Variants in MAMDC2 observed in about 807,000 individuals in gnomAD.
The protein encoded by MAMDC2 is MAM domain-containing protein 2.
Under a neutral mutation model 89.8 loss-of-function variants are expected in MAMDC2, and 57 were observed. The ratio of observed to expected loss-of-function variants is 0.63; its 90% confidence interval spans 0.51 to 0.79. The LOEUF (loss-of-function observed/expected upper bound fraction) is 0.79, where lower values mean the gene tolerates loss of function less well. MAMDC2 is among the 30% of genes least tolerant of loss of function. MAMDC2 has a pLI of 0.00. For missense variants in MAMDC2, 800 were observed against 820.6 expected (o/e 0.97, Z 0.31); for synonymous variants, 313 against 293.4 (o/e 1.07, Z -0.68).
intron 7 of MAMDC2, among the ~76,000 whole-genome samples, chr9:70,133,643 A>C (rs1237211641): frequency 6.6e-6 from 1 of 152,190 alleles, no homozygotes; most frequent in Admixed American, 6.5e-5. Context: ...CTTCCAAGCT[A>C]TCTGGCATGG....
In MAMDC2 at chr9:70,068,130, A is replaced by G. The variant is rs191664970; in HGVS notation, c.148+23433A>G. Among the ~76,000 whole-genome samples the G allele has an allele frequency of 7.2e-5, 11 of 152,340 alleles. No individual in the cohort carries two copies. In the East Asian group the frequency reaches 1.7e-3, roughly 24 times the overall value. ...TATAAAGAGAATCCAGAGAAGAGTT[A>G]AGCTTGATGGTTTTGACATCTCAAA... On this transcript the variant is annotated intron_variant, in intron 2 of 13. Transcript: ENST00000377182.
chr9:70,140,355 T>A, intron 8 of MAMDC2, 67 bp downstream of exon 8: 1 of 1,471,296 alleles, frequency 6.8e-7, no homozygotes, highest in Non-Finnish European at 9.1e-7. Flanking sequence ...CCATTCCTAC[T>A]TCACACCTGC....
intron 2 of MAMDC2, among the ~76,000 whole-genome samples, chr9:70,054,921 A>C (rs1203665279): frequency 1.3e-5 from 2 of 152,092 alleles, no homozygotes; most frequent in Non-Finnish European, 2.9e-5. Context: ...TCATTGAAAA[A>C]CAAAAACAAG....
intron 9 of MAMDC2, among the ~76,000 whole-genome samples, chr9:70,152,693 T>C (rs546306614): frequency 2.0e-5 from 3 of 152,328 alleles, no homozygotes; most frequent in South Asian, 2.1e-4. Flanking sequence ...TCTGGTGTTC[T>C]AGTTTAGAAA....
At chr9:70,126,498 G>T (rs2030558005) in intron 6 of MAMDC2, 83 bp downstream of exon 6, 2 of 1,414,912 alleles carry the variant, frequency 1.4e-6, no homozygotes, top group Middle Eastern at 2.5e-4. Flanking sequence ...TGGAGAGGCT[G>T]TGCAGCCTCA....
intron 2 of MAMDC2, among the ~76,000 whole-genome samples, chr9:70,093,535 C>T (rs1335809232): frequency 6.6e-6 from 1 of 151,384 alleles, no homozygotes; most frequent in Non-Finnish European, 1.5e-5. Context: ...AAGCAGTTCT[C>T]CTTCCTCAGC....
chr9:70,166,219 C>T (rs1161095212), intron 9 of MAMDC2, among the ~76,000 whole-genome samples: 5 of 145,964 alleles, frequency 3.4e-5, no homozygotes, highest in African/African-American at 1.3e-4. Flanking sequence ...CTAGCCTGGG[C>T]GACAAGAGCA....
intron 11 of MAMDC2, among the ~76,000 whole-genome samples, chr9:70,185,416 G>A (rs2032732491): frequency 6.6e-6 from 1 of 152,194 alleles, no homozygotes; most frequent in African/African-American, 2.4e-5. Flanking sequence ...CACTGTGCTG[G>A]GAGAATCCTC....
intron 11 of MAMDC2, among the ~76,000 whole-genome samples, chr9:70,187,775 A>T (rs917025843): frequency 1.3e-5 from 2 of 152,178 alleles, no homozygotes; most frequent in African/African-American, 4.8e-5. Flanking sequence ...TTCAAGGTTT[A>T]TAAATTTATC....
intron 10 of MAMDC2, among the ~76,000 whole-genome samples, 189 bp downstream of exon 10, chr9:70,168,984 G>A (rs1322123814): frequency 6.6e-6 from 1 of 152,132 alleles, no homozygotes; most frequent in East Asian, 1.9e-4. Flanking sequence ...ATGTGTCTTT[G>A]TACATGTGAC....
intron 2 of MAMDC2, among the ~76,000 whole-genome samples, chr9:70,098,730 CAG>C (rs1465987481): frequency 6.6e-6 from 1 of 152,192 alleles, no homozygotes; most frequent in Admixed American, 6.5e-5. Flanking sequence ...TATTTGGAGA[CAG>C]CCTGGTGCAG....
chr9:70,044,771 G>T, intron 2 of MAMDC2, 74 bp downstream of exon 2: 1 of 1,060,614 alleles, frequency 9.4e-7, no homozygotes, highest in Non-Finnish European at 1.4e-6. Context: ...TCCCACATGG[G>T]TAATGTTATC....
chr9:70,055,938 AT>A (rs1333482049), intron 2 of MAMDC2, among the ~76,000 whole-genome samples: 1 of 152,166 alleles, frequency 6.6e-6, no homozygotes, highest in Non-Finnish European at 1.5e-5. Flanking sequence ...CTAGATAAGA[AT>A]TTTGGTACTT....
In MAMDC2 at chr9:70,069,984, CAG is replaced by C. The variant is rs1358832347; in HGVS notation, c.148+25288_148+25289del. Among the ~76,000 whole-genome samples the C allele has an allele frequency of 3.3e-5, 5 of 152,182 alleles. No homozygotes were observed. In the East Asian group the frequency reaches 9.6e-4, roughly 29 times the overall value. On this transcript the variant is annotated intron_variant, in intron 2 of 13. Transcript: ENST00000377182. Reference sequence around the variant, plus strand: ...CCTGAAACTGCTCCAAGATCCCACTCAGGGGGAGGTGTTTGCAAAAGGGATGA... The same window carrying C: ...CCTGAAACTGCTCCAAGATCCCACTCGGGGAGGTGTTTGCAAAAGGGATGA...
chr9:70,150,916 C>G (rs746402221), intron 9 of MAMDC2, among the ~76,000 whole-genome samples: 1 of 152,170 alleles, frequency 6.6e-6, no homozygotes, highest in African/African-American at 2.4e-5. Flanking sequence ...ACCTCCCCTG[C>G]GTGAAACTGT....
intron 12 of MAMDC2, among the ~76,000 whole-genome samples, chr9:70,224,689 C>T (rs1197910823): frequency 6.6e-6 from 1 of 152,174 alleles, no homozygotes; most frequent in African/African-American, 2.4e-5. Flanking sequence ...TCCACCAATT[C>T]AAACGCCAAT....
intron 2 of MAMDC2, among the ~76,000 whole-genome samples, chr9:70,045,397 TGTTTTA>T (rs949684101): frequency 5.3e-4 from 81 of 152,322 alleles, no homozygotes; most frequent in Admixed American, 1.1e-3. Context: ...TTTTGTTTTT[TGTTTTA>T]AAGTGTGGTT....
At chr9:70,223,896 A>C (rs2033606458) in intron 12 of MAMDC2, among the ~76,000 whole-genome samples, 1 of 152,200 alleles carries the variant, frequency 6.6e-6, no homozygotes, top group Non-Finnish European at 1.5e-5. Flanking sequence ...ACAAGGGGGA[A>C]ATCATAGTAC....
At chr9:70,212,955 G>C (rs2033385237) in intron 11 of MAMDC2, among the ~76,000 whole-genome samples, 1 of 152,184 alleles carries the variant, frequency 6.6e-6, no homozygotes, top group Non-Finnish European at 1.5e-5. Context: ...GATTTAGTTA[G>C]AGTCCAAACC....
Sources: allele counts gnomAD v4.1 joint callset (sites outside exome capture counted in the v4.1 genomes callset), GRCh38; gene constraint gnomAD v4.1.1; transcripts MANE v1.5; gene names NCBI Gene and HGNC (gene_info 2026-07-23, HGNC 2026-07-21).